The following ARID1B variants were observed in gnomAD, a reference collection of about 807,000 sequenced individuals.
ARID1B encodes AT-rich interactive domain-containing protein 1B.
A neutral mutation model predicts 212.3 loss-of-function variants in ARID1B; 30 were observed. The observed-to-expected ratio is 0.14, with a 90% CI of 0.11 to 0.19. The LOEUF (loss-of-function observed/expected upper bound fraction) is 0.19, where lower values mean the gene tolerates loss of function less well. Among genes scored for constraint, ARID1B ranks in the 10% least tolerant of loss-of-function variants. The pLI is 1.00. For synonymous variants in ARID1B, 1,402 were observed against 1,301.7 expected, an observed-to-expected ratio of 1.08 and a Z score of -1.66; for missense variants, 2,891 against 3,204.0, an observed-to-expected ratio of 0.90 and a Z score of 2.36.
chr6:157,156,229 A>G (rs565970087), intron 8 of ARID1B, among the ~76,000 whole-genome samples: 1 of 152,338 alleles, frequency 6.6e-6, no homozygotes, highest in Non-Finnish European at 1.5e-5. Flanking sequence ...TTAGGTTTTA[A>G]CATAATAGCT....
intron 4 of ARID1B, among the ~76,000 whole-genome samples, chr6:157,051,547 T>G (rs1309362658): frequency 6.6e-6 from 1 of 152,226 alleles, no homozygotes; most frequent in Non-Finnish European, 1.5e-5. Flanking sequence ...AAATTCACTC[T>G]GTACTTTAGG....
rs1251856919 is a variant in ARID1B, at chr6:156,777,953, G to A, written c.273G>A (p.Ala91=). The change falls in exon 1 of 20, where the codon GCG becomes GCA. Residue 91 remains alanine (A), a synonymous_variant. Coordinates refer to ENST00000636930, the MANE Select transcript of ARID1B (RefSeq NM_001374828.1). The part of the protein sequence containing the change: ...ELNMAHNAGA[A]AAAGTHSAKS... The stretch of plus-strand genomic sequence containing the variant: ...ACATGGCCCATAACGCGGGCGCCGC[G>A]GCCGCCGCCGGCACCCACAGCGCCA... 1.3e-6 allele frequency: 2 copies of A among 1,528,202 alleles called. No homozygotes were observed. Among genetic ancestry groups the A allele is most frequent in the Non-Finnish European group, 1.7e-6 (2 of 1,144,214 alleles). 94.7% of individuals were successfully genotyped at this position (1,528,202 alleles called of 1,614,324 possible). A position where few individuals can be genotyped will look rare whatever the true frequency, so the allele number is the denominator to read the frequency against.
intron 12 of ARID1B, among the ~76,000 whole-genome samples, chr6:157,183,762 G>A (rs1401654513): frequency 3.3e-5 from 5 of 152,286 alleles, no homozygotes; most frequent in South Asian, 2.1e-4. Flanking sequence ...GCCTTTGCAC[G>A]AGGTGCTGCT....
intron 4 of ARID1B, among the ~76,000 whole-genome samples, chr6:157,004,861 A>G (rs1339812284): frequency 7.6e-6 from 1 of 131,932 alleles, no homozygotes; most frequent in Admixed American, 7.7e-5. Context: ...TTTCACATGT[A>G]GTGGCATTTC....
At chr6:156,971,893 C>T (rs1228619090) in intron 4 of ARID1B, among the ~76,000 whole-genome samples, 2 of 152,114 alleles carry the variant, frequency 1.3e-5, no homozygotes, top group Non-Finnish European at 2.9e-5. Flanking sequence ...TTGACCTTTG[C>T]TGTATAACAT....
At chr6:156,812,294 G>C (rs1000634857) in intron 1 of ARID1B, among the ~76,000 whole-genome samples, 1 of 152,232 alleles carries the variant, frequency 6.6e-6, no homozygotes, top group African/African-American at 2.4e-5. Context: ...ACCACACCTG[G>C]CTAATTTTTG....
intron 4 of ARID1B, among the ~76,000 whole-genome samples, chr6:157,043,227 C>T (rs966098139): frequency 1.3e-5 from 2 of 152,198 alleles, no homozygotes; most frequent in African/African-American, 4.8e-5. Context: ...CTTAGCTTCC[C>T]TCCAGCCTAG....
intron 1 of ARID1B, among the ~76,000 whole-genome samples, chr6:156,817,655 A>G (rs1186326008): frequency 6.6e-6 from 1 of 151,184 alleles, no homozygotes; most frequent in Non-Finnish European, 1.5e-5. Context: ...CACACACACA[A>G]AACTTTTATT....
chr6:156,814,297 T>C (rs1781813064), intron 1 of ARID1B, among the ~76,000 whole-genome samples: 1 of 152,054 alleles, frequency 6.6e-6, no homozygotes, highest in Non-Finnish European at 1.5e-5. Flanking sequence ...CACGCGCCTA[T>C]GGTCCTAGCT....
intron 1 of ARID1B, among the ~76,000 whole-genome samples, chr6:156,780,159 A>G (rs1024296465): frequency 2.0e-5 from 3 of 152,146 alleles, no homozygotes; most frequent in African/African-American, 7.2e-5. Flanking sequence ...GTTCCTTAGA[A>G]TAGCCAGGGA....
chr6:156,963,795 AT>A (rs1364972284), intron 4 of ARID1B, among the ~76,000 whole-genome samples: 7 of 152,222 alleles, frequency 4.6e-5, no homozygotes, highest in Non-Finnish European at 1.0e-4. Flanking sequence ...AAATTGTGTA[AT>A]ATTTATCTTG....
chr6:156,845,987 AT>A (rs1282331709), intron 2 of ARID1B, among the ~76,000 whole-genome samples: 1 of 151,512 alleles, frequency 6.6e-6, no homozygotes. Context: ...TGTTCACCAA[AT>A]TTTTCTTTTT....
chr6:156,819,478 G>T (rs1276287328), intron 1 of ARID1B, among the ~76,000 whole-genome samples: 1 of 152,050 alleles, frequency 6.6e-6, no homozygotes, highest in Non-Finnish European at 1.5e-5. Context: ...GAAAAGTGTA[G>T]CTTAGTCAGA....
chr6:156,980,912 T>C (rs1206574134), intron 4 of ARID1B, among the ~76,000 whole-genome samples: 1 of 152,220 alleles, frequency 6.6e-6, no homozygotes, highest in Non-Finnish European at 1.5e-5. Context: ...GTCACAGAAA[T>C]TAAGTCATTT....
chr6:156,857,479 T>C (rs1247189561), intron 2 of ARID1B, among the ~76,000 whole-genome samples: 2 of 152,144 alleles, frequency 1.3e-5, no homozygotes, highest in Non-Finnish European at 2.9e-5. Flanking sequence ...CAAGAAGCCC[T>C]CTTGCTCAAG....
chr6:157,132,678 A>G (rs1788630731), intron 6 of ARID1B, among the ~76,000 whole-genome samples: 1 of 152,170 alleles, frequency 6.6e-6, no homozygotes, highest in Admixed American at 6.5e-5. Context: ...TCAGGGGCAG[A>G]GGGTTTGCAG....
chr6:156,838,538 C>G (rs1425060776), intron 2 of ARID1B, among the ~76,000 whole-genome samples: 1 of 151,868 alleles, frequency 6.6e-6, no homozygotes, highest in Non-Finnish European at 1.5e-5. Context: ...GCTCTTAAAA[C>G]GCTCTAAGTC....
At chr6:156,912,232 A>G (rs1292016412) in intron 3 of ARID1B, among the ~76,000 whole-genome samples, 1 of 151,668 alleles carries the variant, frequency 6.6e-6, no homozygotes, top group African/African-American at 2.4e-5. Context: ...CTTCAAACTA[A>G]ATGAAACAGT....
intron 6 of ARID1B, 43 bp from the exon 7 acceptor site, chr6:157,132,985 T>C: frequency 6.4e-7 from 1 of 1,560,010 alleles, no homozygotes; most frequent in Non-Finnish European, 8.7e-7. Context: ...GCAGAGATTA[T>C]GAAACACCTG....
Sources: gnomAD v4.1 joint callset for allele counts (sites outside exome capture counted in the v4.1 genomes callset) on GRCh38, gnomAD v4.1.1 for gene constraint, MANE v1.5 for transcripts, NCBI Gene and HGNC (gene_info 2026-07-23, HGNC 2026-07-21) for gene names.